NSUN6: variants seen among roughly 807,000 people sequenced by gnomAD.
NSUN6 encodes tRNA (cytosine(72)-C(5))-methyltransferase NSUN6.
NSUN6 carries 64 observed loss-of-function variants against 58.0 expected under a neutral mutation model. That is an observed-to-expected ratio of 1.10 (90% CI 0.90 to 1.36). The LOEUF (loss-of-function observed/expected upper bound fraction) is 1.36, where lower values mean the gene tolerates loss of function less well. Ranked by LOEUF, NSUN6 falls within the 40% of genes most tolerant of loss-of-function variation. NSUN6 has a pLI of 0.00. For synonymous variants in NSUN6, 231 were observed against 193.9 expected, an observed-to-expected ratio of 1.19 and a Z score of -1.59; for missense variants, 701 against 550.1, an observed-to-expected ratio of 1.27 and a Z score of -2.74.
In NSUN6 at chr10:18,559,142, GAGAATGGAATGC is replaced by G. The variant is rs556345030; in HGVS notation, c.923-7183_923-7172del. Reference sequence around the variant, plus strand: ...ATGGAACGAAGAGTGGAATGAAATGGAGAATGGAATGCAGAATGGAATGGAATGGAGAATAGA... The same window carrying G: ...ATGGAACGAAGAGTGGAATGAAATGGAGAATGGAATGGAATGGAGAATAGA... On this transcript the variant is annotated intron_variant, in intron 8 of 10. Transcript: ENST00000377304. Among the ~76,000 whole-genome samples the G allele has an allele frequency of 5.7e-3, 865 of 150,874 alleles. 10 individuals are homozygous for G. The highest frequency in any genetic ancestry group is 0.02 in the African/African-American group (828 of 41,248).
intron 8 of NSUN6, among the ~76,000 whole-genome samples, chr10:18,575,059 G>T (rs956849996): frequency 6.6e-6 from 1 of 152,106 alleles, no homozygotes; most frequent in Non-Finnish European, 1.5e-5. Context: ...GCGCTAAAGA[G>T]AATTCAGAAT....
At chr10:18,639,815 A>G (rs941713509) in intron 3 of NSUN6, among the ~76,000 whole-genome samples, 3 of 152,238 alleles carry the variant, frequency 2.0e-5, no homozygotes, top group Admixed American at 2.0e-4. Context: ...TGAAAGCATC[A>G]AAATCTCTCA....
At chr10:18,656,816 C>CTTTTTT (rs59363607), upstream of NSUN6, among the ~76,000 whole-genome samples, 1 of 86,602 alleles carries the variant, frequency 1.2e-5, no homozygotes, top group African/African-American at 4.5e-5. Flanking sequence ...AGTTACAATC[C>CTTTTTT]TTTTTTTTTT....
chr10:18,651,569 T>G lies in NSUN6; in HGVS notation c.-366A>C. On this transcript the variant is annotated 5_prime_UTR_variant, in exon 1 of 11. Coordinates refer to ENST00000377304, the MANE Select transcript of NSUN6 (RefSeq NM_182543.5). ...GTAAGCCAGGCTGACAGCAGCTCGG[T>G]CCCTTTATCTTTTCTATCAATTTCC... 3.0e-6 allele frequency: 3 copies of G among 996,828 alleles called. No individual in the cohort carries two copies. Among genetic ancestry groups the G allele is most frequent in the Non-Finnish European group, 3.6e-6 (3 of 837,904 alleles). 61.7% of individuals were successfully genotyped at this position (996,828 alleles called of 1,614,324 possible).
chr10:18,575,691 T>C (rs942798906), intron 8 of NSUN6, among the ~76,000 whole-genome samples: 2 of 152,152 alleles, frequency 1.3e-5, no homozygotes, highest in Non-Finnish European at 2.9e-5. Context: ...GGACCAAGTG[T>C]CTTCCTATTG....
At chr10:18,609,176 T>C (rs2058143528) in intron 6 of NSUN6, among the ~76,000 whole-genome samples, 1 of 152,090 alleles carries the variant, frequency 6.6e-6, no homozygotes, top group Admixed American at 6.6e-5. Flanking sequence ...TGGGGCATAG[T>C]AGTGCACACC....
intron 8 of NSUN6, among the ~76,000 whole-genome samples, chr10:18,563,518 A>ATAGAATGGAGAGTGGAATGGAGAG (rs1354061475): frequency 6.6e-6 from 1 of 151,098 alleles, no homozygotes; most frequent in Non-Finnish European, 1.5e-5. Context: ...GGAATATGGG[A>ATAGAATGGAGAGTGGAATGGAGAG]TAGAATGGAG....
chr10:18,618,833 T>G (rs1271869403), intron 3 of NSUN6, among the ~76,000 whole-genome samples: 1 of 152,158 alleles, frequency 6.6e-6, no homozygotes, highest in African/African-American at 2.4e-5. Flanking sequence ...TCTAATCTGC[T>G]GTTTAATTCA....
At chr10:18,575,046 T>C (rs1029631439) in intron 8 of NSUN6, among the ~76,000 whole-genome samples, 20 of 151,982 alleles carry the variant, frequency 1.3e-4, no homozygotes, top group African/African-American at 4.6e-4. Flanking sequence ...CTAATAAAAA[T>C]AGGCGCTAAA....
intron 8 of NSUN6, among the ~76,000 whole-genome samples, chr10:18,556,308 C>CAAGGAG (rs2055015451): frequency 2.2e-5 from 1 of 44,754 alleles, no homozygotes; most frequent in Non-Finnish European, 4.9e-5. Flanking sequence ...CAGTGGAATG[C>CAAGGAG]AATGGAGAAT....
intron 8 of NSUN6, among the ~76,000 whole-genome samples, chr10:18,565,117 T>C (rs2055829599): frequency 6.6e-6 from 1 of 151,348 alleles, no homozygotes; most frequent in African/African-American, 2.4e-5. Context: ...TTCCATTCCA[T>C]TCTCCATTCT....
rs551346893 is a variant in NSUN6 at position 18,574,585 on chromosome 10, TAGAG to T, written c.922+11360_922+11363del. ...GACACAATGGGCATTCAGTGATTGATAGAGAAACTCTTGTAGAAATTGAGTCAGG... is the reference window on the plus strand; with the variant it reads ...GACACAATGGGCATTCAGTGATTGATAAACTCTTGTAGAAATTGAGTCAGG... On this transcript the variant is annotated intron_variant, in intron 8 of 10. Coordinates refer to ENST00000377304, the MANE Select transcript of NSUN6 (RefSeq NM_182543.5). Among the ~76,000 whole-genome samples the T allele has an allele frequency of 1.4e-4, 21 of 152,138 alleles. No homozygotes were observed. In the East Asian group the frequency reaches 2.7e-3, roughly 20 times the overall value.
At chr10:18,568,627 ATTC>A (rs1291423309) in intron 8 of NSUN6, among the ~76,000 whole-genome samples, 2 of 144,394 alleles carry the variant, frequency 1.4e-5, no homozygotes, top group African/African-American at 5.4e-5. Context: ...TCCATTCTCC[ATTC>A]CATTCCATTC....
intron 8 of NSUN6, among the ~76,000 whole-genome samples, chr10:18,562,697 C>CGGAAT (rs1427089146): frequency 7.5e-6 from 1 of 132,752 alleles, no homozygotes; most frequent in African/African-American, 2.8e-5. Flanking sequence ...GAATAGAGAA[C>CGGAAT]GGAATGGAAT....
chr10:18,581,343 G>C (rs2056895758), intron 8 of NSUN6, among the ~76,000 whole-genome samples: 1 of 152,220 alleles, frequency 6.6e-6, no homozygotes, highest in South Asian at 2.1e-4. Context: ...AAAGAAGCCA[G>C]CTAAAACCCA....
intron 3 of NSUN6, among the ~76,000 whole-genome samples, chr10:18,633,562 G>A (rs1231188889): frequency 6.6e-6 from 1 of 152,116 alleles, no homozygotes; most frequent in Non-Finnish European, 1.5e-5. Flanking sequence ...TCAGCAGGGT[G>A]TGGAGTCTCT....
intron 3 of NSUN6, among the ~76,000 whole-genome samples, chr10:18,629,588 G>A (rs2058955158): frequency 7.0e-6 from 1 of 142,412 alleles, no homozygotes; most frequent in Non-Finnish European, 1.5e-5. Context: ...AAACAAAAAA[G>A]GCAGGGGTTA....
intron 6 of NSUN6, among the ~76,000 whole-genome samples, chr10:18,607,638 G>A (rs1046589208): frequency 6.6e-6 from 1 of 152,238 alleles, no homozygotes; most frequent in Admixed American, 6.5e-5. Context: ...TTGGAACTCA[G>A]TACATCTAAA....
intron 8 of NSUN6, among the ~76,000 whole-genome samples, chr10:18,560,144 T>C (rs945674957): frequency 7.5e-6 from 1 of 132,474 alleles, no homozygotes; most frequent in Non-Finnish European, 1.6e-5. Context: ...GCAGAATGGA[T>C]AATAGAATGG....
Sources: gnomAD v4.1 joint callset for allele counts (sites outside exome capture counted in the v4.1 genomes callset) on GRCh38, gnomAD v4.1.1 for gene constraint, MANE v1.5 for transcripts, NCBI Gene and HGNC (gene_info 2026-07-23, HGNC 2026-07-21) for gene names.